Variants in TEAD1 observed in about 807,000 individuals in gnomAD.
The protein encoded by TEAD1 is TEA domain transcription factor 1.
In TEAD1, 9 loss-of-function variants were observed where a neutral mutation model predicts 54.9. That is an observed-to-expected ratio of 0.16 (90% CI 0.10 to 0.29). The LOEUF is 0.29. TEAD1 is among the 10% of genes least tolerant of loss of function. The pLI is 1.00. For synonymous variants in TEAD1, 200 were observed against 187.8 expected (o/e 1.07, Z -0.53); for missense variants, 387 against 535.9 (o/e 0.72, Z 2.74).
intron 2 of TEAD1, among the ~76,000 whole-genome samples, chr11:12,691,885 A>G (rs1289348983): frequency 1.3e-5 from 2 of 152,182 alleles, no homozygotes; most frequent in African/African-American, 4.8e-5. Context: ...ATATTGATTG[A>G]ATTAAGCTTT....
At chr11:12,887,177 A>G (rs1340568147) in intron 9 of TEAD1, among the ~76,000 whole-genome samples, 1 of 150,524 alleles carries the variant, frequency 6.6e-6, no homozygotes, top group African/African-American at 2.5e-5. Context: ...GCTCACTGCA[A>G]GCTCCGCCTC....
intron 2 of TEAD1, among the ~76,000 whole-genome samples, chr11:12,686,027 A>G (rs1430775085): frequency 1.3e-5 from 2 of 152,064 alleles, no homozygotes; most frequent in Non-Finnish European, 2.9e-5. Context: ...TGTTTGTGGC[A>G]GTTTTGCCTA....
At chr11:12,792,248 G>T (rs1945818599) in intron 3 of TEAD1, among the ~76,000 whole-genome samples, 1 of 151,718 alleles carries the variant, frequency 6.6e-6, no homozygotes, top group Non-Finnish European at 1.5e-5. Flanking sequence ...CTCTGTTCTG[G>T]GATATTTTCT....
intron 2 of TEAD1, among the ~76,000 whole-genome samples, chr11:12,688,701 A>C (rs768651407): frequency 1.3e-5 from 2 of 152,204 alleles, no homozygotes; most frequent in African/African-American, 2.4e-5. Context: ...GATTAACTCT[A>C]TCTCGGCTTC....
At chr11:12,801,904 T>C (rs1409809389) in intron 3 of TEAD1, among the ~76,000 whole-genome samples, 2 of 152,220 alleles carry the variant, frequency 1.3e-5, no homozygotes, top group Non-Finnish European at 2.9e-5. Flanking sequence ...GGAGGCAGAA[T>C]GTATCACACA....
chr11:12,745,674 A>G (rs1003734325), intron 2 of TEAD1, among the ~76,000 whole-genome samples: 3 of 148,424 alleles, frequency 2.0e-5, no homozygotes, highest in Admixed American at 6.8e-5. Context: ...CTGATATTGT[A>G]AAATGAAATA....
At chr11:12,781,840 A>G (rs776428755) in intron 3 of TEAD1, among the ~76,000 whole-genome samples, 2 of 149,024 alleles carry the variant, frequency 1.3e-5, no homozygotes, top group Non-Finnish European at 1.5e-5. Flanking sequence ...ACACTTGTAC[A>G]TTAGGGGTAG....
chr11:12,916,398 G>T (rs1948712818), intron 10 of TEAD1, among the ~76,000 whole-genome samples: 1 of 152,144 alleles, frequency 6.6e-6, no homozygotes, highest in African/African-American at 2.4e-5. Flanking sequence ...ACAGACTCTT[G>T]TCTCGTTGAG....
intron 2 of TEAD1, among the ~76,000 whole-genome samples, chr11:12,690,266 A>G (rs966394495): frequency 6.6e-6 from 1 of 151,386 alleles, no homozygotes; most frequent in Admixed American, 6.6e-5. Context: ...AAAAAAAATA[A>G]TAAGCCCTTA....
At chr11:12,903,597 A>G (rs1032698525) in intron 10 of TEAD1, among the ~76,000 whole-genome samples, 1 of 152,150 alleles carries the variant, frequency 6.6e-6, no homozygotes, top group African/African-American at 2.4e-5. Context: ...GGGGTATTAC[A>G]TGAGCTCAGG....
intron 12 of TEAD1, among the ~76,000 whole-genome samples, chr11:12,936,294 A>C (rs1949097955): frequency 6.6e-6 from 1 of 152,180 alleles, no homozygotes; most frequent in Non-Finnish European, 1.5e-5. Flanking sequence ...ACGAGGGATA[A>C]TTAGAGGGAT....
chr11:12,808,464 G>T (rs568495402), intron 3 of TEAD1, among the ~76,000 whole-genome samples: 1 of 152,108 alleles, frequency 6.6e-6, no homozygotes, highest in Non-Finnish European at 1.5e-5. Flanking sequence ...CTTCCTCTTC[G>T]CTAAGCCTCA....
chr11:12,723,505 T>C (rs1252199731), intron 2 of TEAD1, among the ~76,000 whole-genome samples: 2 of 152,172 alleles, frequency 1.3e-5, no homozygotes, highest in Non-Finnish European at 2.9e-5. Context: ...TTGGATTAAC[T>C]GTTCGTGATT....
At chr11:12,876,023 A>C (rs1947847765) in intron 5 of TEAD1, among the ~76,000 whole-genome samples, 1 of 152,218 alleles carries the variant, frequency 6.6e-6, no homozygotes, top group South Asian at 2.1e-4. Context: ...GTTTGAAGCC[A>C]GGTCTCCGGA....
At chr11:12,694,919 T>G (rs61879850) in intron 2 of TEAD1, among the ~76,000 whole-genome samples, 16 of 152,280 alleles carry the variant, frequency 1.1e-4, no homozygotes, top group African/African-American at 3.6e-4. Context: ...GAAAAAAATT[T>G]GAGATGATGA....
intron 7 of TEAD1, 63 bp downstream of exon 7, chr11:12,881,114 C>A: frequency 6.4e-7 from 1 of 1,569,838 alleles, no homozygotes; most frequent in Non-Finnish European, 8.8e-7. Flanking sequence ...GTGGGGAGAG[C>A]TCTTCCTGGA....
intron 3 of TEAD1, among the ~76,000 whole-genome samples, chr11:12,805,809 T>C (rs1946159298): frequency 6.6e-6 from 1 of 152,252 alleles, no homozygotes; most frequent in South Asian, 2.1e-4. Flanking sequence ...TTCCAAAGAA[T>C]TGATCTGTTT....
intron 3 of TEAD1, among the ~76,000 whole-genome samples, chr11:12,777,292 G>A (rs1314993734): frequency 6.6e-6 from 1 of 152,092 alleles, no homozygotes; most frequent in African/African-American, 2.4e-5. Flanking sequence ...ACAGCTTCTG[G>A]GGTAATATTT....
At chr11:12,802,491 A>G in intron 3 of TEAD1, among the ~76,000 whole-genome samples, 1 of 152,054 alleles carries the variant, frequency 6.6e-6, no homozygotes, top group East Asian at 1.9e-4. Flanking sequence ...TGTTCCCCCC[A>G]TCTCACCGCC....
Sources: allele counts gnomAD v4.1 joint callset (sites outside exome capture counted in the v4.1 genomes callset), GRCh38; gene constraint gnomAD v4.1.1; transcripts MANE v1.5; gene names NCBI Gene and HGNC (gene_info 2026-07-23, HGNC 2026-07-21).